Variants in SYNE4 observed in about 807,000 individuals in gnomAD.
The protein encoded by SYNE4 is spectrin repeat containing nuclear envelope family member 4.
Under a neutral mutation model 46.9 loss-of-function variants are expected in SYNE4, and 41 were observed. That is an observed-to-expected ratio of 0.87 (90% CI 0.68 to 1.13). The LOEUF (loss-of-function observed/expected upper bound fraction) is 1.13. Among genes scored for constraint, SYNE4 ranks in the 50% most tolerant of loss-of-function variants. SYNE4 has a pLI of 0.00. For missense variants in SYNE4, 492 were observed against 514.8 expected (o/e 0.96, Z 0.43); for synonymous variants, 221 against 219.5 (o/e 1.01, Z -0.06).
intron 5 of SYNE4, 142 bp downstream of exon 5, chr19:36,006,281 A>G: frequency 8.8e-7 from 1 of 1,141,080 alleles, no homozygotes; most frequent in Non-Finnish European, 1.2e-6. Context: ...ACAGTGAGAT[A>G]GAAGGAGACA....
At chr19:36,008,174 G>A (rs777952813) in intron 2 of SYNE4, 43 bp downstream of exon 2, 10 of 1,573,576 alleles carry the variant, frequency 6.4e-6, no homozygotes, top group Non-Finnish European at 5.2e-6. Context: ...GGGACAGAGA[G>A]GAGGTGGGGC....
chr19:36,005,410 C>T lies in SYNE4; in HGVS notation c.895G>A (p.Asp299Asn). Residue 299 changes from aspartate to asparagine, a missense_variant, in exon 6 of 8, where the codon GAC becomes AAC. Transcript: ENST00000324444. ...TGGCCGAGGCCAGACTCCAGCATGT[C>T]CTGTCGGGAGTGAGAGGTGTCTGCT... ...EEADTSHSRQ[D>N]MLESGLGHQK... The T allele has an allele frequency of 6.2e-7, 1 of 1,613,938 alleles. No individual in the cohort carries two copies. The highest frequency in any genetic ancestry group is 8.5e-7 in the Non-Finnish European group (1 of 1,179,950).
chr19:36,007,092 G>A (rs1173563144), intron 3 of SYNE4, 33 bp downstream of exon 3: 1 of 1,585,210 alleles, frequency 6.3e-7, no homozygotes, highest in Non-Finnish European at 8.6e-7. Flanking sequence ...CTGGGGCCGT[G>A]CCCACCCCCA....
chr19:36,007,272 G>A lies in SYNE4; in HGVS notation c.280-4C>T. The A allele has an allele frequency of 6.3e-7, 1 of 1,595,186 alleles. No homozygotes were observed. Among genetic ancestry groups the A allele is most frequent in the South Asian group, 1.1e-5 (1 of 87,918 alleles). On this transcript the variant is annotated splice_polypyrimidine_tract_variant and splice_region_variant and intron_variant, in intron 2 of 7. Transcript: ENST00000324444. Reference sequence around the variant, plus strand: ...CCTCCAGGCCAGAAATGGGGTGCTGGGGAACACAGGAGCCAGGTCAGGGCC... The same window carrying A: ...CCTCCAGGCCAGAAATGGGGTGCTGAGGAACACAGGAGCCAGGTCAGGGCC...
intron 2 of SYNE4, chr19:36,007,524 G>A: frequency 1.0e-6 from 1 of 985,340 alleles, no homozygotes; most frequent in African/African-American, 1.7e-5. Flanking sequence ...GGGGGGTCTG[G>A]ACAGGGAGCG....
chr19:36,005,793 C>T lies in SYNE4; in HGVS notation c.868-356G>A, dbSNP rs995931594. On this transcript the variant is annotated intron_variant, in intron 5 of 7. Transcript: ENST00000324444. ...CAGCACTTTGGGAGGCCAAGGCAGG[C>T]GGATCACCTGAGGTCAGGCGTTCGA... 1.2e-4 allele frequency: 22 copies of T among 187,464 alleles called. 1 individual carries two copies. Among genetic ancestry groups the T allele is most frequent in the Admixed American group, 8.2e-4 (15 of 18,258 alleles). 11.6% of individuals were successfully genotyped at this position (187,464 alleles called of 1,614,324 possible).
Position 36,003,390 on chromosome 19 carries a change from G to T in SYNE4, c.1162C>A (p.Pro388Thr), listed in dbSNP as rs1325219240. ...GGPCCSHARI[P>T]RTPYLVLSYV... ...CTGAGCACCAGGTAGGGTGTCCTGG[G>T]TATTCGGGCATGAGAGCAGCAGGGG... Residue 388 changes from proline to threonine, a missense_variant, in exon 8 of 8, where the codon CCC (proline) becomes ACC (threonine). Pro to Thr is a conservative substitution (Grantham distance 38, BLOSUM62 -1). Transcript: ENST00000324444. 2.5e-6 allele frequency: 4 copies of T among 1,614,004 alleles called. No individual in the cohort carries two copies. The highest frequency in any genetic ancestry group is 1.3e-5 in the African/African-American group (1 of 74,926).
In SYNE4 at chr19:36,003,344, G is replaced by A. The variant is rs146649226; in HGVS notation, c.1208C>T (p.Pro403Leu). 1 of 1,614,078 alleles carries A rather than the reference G, an allele frequency of 6.2e-7. No homozygotes were observed. The highest frequency in any genetic ancestry group is 2.2e-5 in the East Asian group (1 of 44,892). The change falls in exon 8 of 8, where the codon CCA (proline) becomes CTA (leucine). Residue 403 changes from proline to leucine, a missense_variant. Coordinates refer to ENST00000324444, the MANE Select transcript of SYNE4 (RefSeq NM_001039876.3). Reference protein sequence around the residue: ...LVLSYVNGLPPV With the variant: ...LVLSYVNGLPLV ...GACCATTTATTACACACATCAGACT[G>A]GGGGAAGACCATTGACATAGCTGAG...
Position 36,006,919 on chromosome 19 carries a change from G to C in SYNE4, c.449C>G (p.Ala150Gly). 3 of 1,551,170 alleles carry C rather than the reference G, an allele frequency of 1.9e-6. No homozygotes were observed. Among genetic ancestry groups the C allele is most frequent in the Non-Finnish European group, 2.6e-6 (3 of 1,147,496 alleles). The change falls in exon 4 of 8, where the codon GCA becomes GGA. Residue 150 changes from alanine (A) to glycine (G), a missense_variant. Physicochemically the swap from Ala to Gly is moderately conservative, Grantham distance 60 (BLOSUM62 0). Transcript: ENST00000324444. ...TAGCAGCGCCTCCACACGCTCAGCTGCCCCTCGTAGGTCCACCTGGAGGGC... is the reference window on the plus strand; with the variant it reads ...TAGCAGCGCCTCCACACGCTCAGCTCCCCCTCGTAGGTCCACCTGGAGGGC... ...LQALQVDLRG[A>G]AERVEALLAF...
At chr19:36,005,045 T>A (rs1315778090) in intron 6 of SYNE4, among the ~76,000 whole-genome samples, 3 of 151,716 alleles carry the variant, frequency 2.0e-5, no homozygotes, top group African/African-American at 7.3e-5. Flanking sequence ...TTTTTGTAGT[T>A]TTAGTAGAGA....
In SYNE4 at chr19:36,007,125, C is replaced by G; in HGVS notation, c.423G>C (p.Gln141His). ...ALAQSGMVQL[Q>H]ALQVDLRGAA... ...CCACATCCTGGCCTCTCCTGCCTAC[C>G]TGCAGCTGCACCATCCCACTCTGGG... The change falls in exon 3 of 8, where the codon CAG becomes CAC. Residue 141 changes from glutamine (Q) to histidine (H), a missense_variant and splice_region_variant. Transcript: ENST00000324444. The G allele has an allele frequency of 6.3e-7, 1 of 1,598,564 alleles. No individual in the cohort carries two copies. Among genetic ancestry groups the G allele is most frequent in the Non-Finnish European group, 8.5e-7 (1 of 1,173,134 alleles).
In SYNE4 at chr19:36,008,333, A is replaced by G. The variant is rs1228284348; in HGVS notation, c.163T>C (p.Leu55=). The part of the protein sequence containing the change: ...EQAQTLGQDS[L]GPPEHFQGGP... ...CCCTGGAAGTGCTCAGGAGGGCCCAAGGAGTCCTGTCCCAGGGTCTGGGCC... is the reference window on the plus strand; with the variant it reads ...CCCTGGAAGTGCTCAGGAGGGCCCAGGGAGTCCTGTCCCAGGGTCTGGGCC... Residue 55 remains leucine (L), a synonymous_variant, in exon 2 of 8, where the codon TTG becomes CTG. Transcript: ENST00000324444. 1.9e-6 allele frequency: 3 copies of G among 1,568,782 alleles called. No homozygotes were observed. Among genetic ancestry groups the G allele is most frequent in the South Asian group, 1.2e-5 (1 of 84,052 alleles).
intron 6 of SYNE4, among the ~76,000 whole-genome samples, chr19:36,004,357 C>T (rs1241537616): frequency 2.6e-5 from 4 of 152,172 alleles, no homozygotes; most frequent in Non-Finnish European, 4.4e-5. Flanking sequence ...TACCCTACTA[C>T]GATAGACCTA....
chr19:36,004,015 C>T (rs531172533), intron 6 of SYNE4, among the ~76,000 whole-genome samples: 3 of 152,020 alleles, frequency 2.0e-5, no homozygotes, highest in Non-Finnish European at 4.4e-5. Flanking sequence ...CACACCTGGC[C>T]GACACATTAT....
chr19:36,005,568 G>C (rs546414621), intron 5 of SYNE4, 131 bp from the exon 6 acceptor site: 6 of 727,386 alleles, frequency 8.2e-6, no homozygotes, highest in East Asian at 5.4e-5. Context: ...AACCAAGAGA[G>C]GAGAGAATTA....
At chr19:36,005,561 C>G (rs914619166) in intron 5 of SYNE4, 124 bp from the exon 6 acceptor site, 3 of 764,714 alleles carry the variant, frequency 3.9e-6, no homozygotes, top group African/African-American at 3.5e-5. Context: ...CCAAAGAAAC[C>G]AAGAGAGGAG....
At chr19:36,007,664 C>T in intron 2 of SYNE4, 36 of 933,614 alleles carry the variant, frequency 3.9e-5, no homozygotes, top group Non-Finnish European at 4.5e-5. Context: ...ATCACTTGAG[C>T]CCAGGAGTTC....
rs749330315 is a variant in SYNE4 at position 36,006,738 on chromosome 19, G to C, written c.618+12C>G. 8.8e-6 allele frequency: 14 copies of C among 1,599,894 alleles called. No individual in the cohort carries two copies. In the African/African-American group the frequency reaches 1.7e-4, roughly 20 times the overall value. On this transcript the variant is annotated intron_variant, in intron 4 of 7. Transcript: ENST00000324444. ...GCCTGGGTTGGGTGGGGGGTATCAAGATGGGCCCTACCAGGCTGTAGCTGA... is the reference window on the plus strand; with the variant it reads ...GCCTGGGTTGGGTGGGGGGTATCAACATGGGCCCTACCAGGCTGTAGCTGA...
Position 36,008,277 on chromosome 19 carries a change from G to C in SYNE4, c.219C>G (p.His73Gln). ...AAGAGGGTGTTGACCATCTCGGGGG[G>C]TGAGCGGCAGGCTCATTGCCCCTTG... Reference protein sequence around the residue: ...GGPRGNEPAAHPPRWSTPSSY... With the variant: ...GGPRGNEPAAQPPRWSTPSSY... Residue 73 changes from histidine to glutamine, a missense_variant, in exon 2 of 8, where the codon CAC (histidine) becomes CAG (glutamine). By Grantham distance (24) the His-to-Gln change is conservative. Coordinates refer to ENST00000324444, the MANE Select transcript of SYNE4 (RefSeq NM_001039876.3). 6.2e-7 allele frequency: 1 copy of C among 1,602,548 alleles called. No homozygotes were observed. Among genetic ancestry groups the C allele is most frequent in the Non-Finnish European group, 8.5e-7 (1 of 1,174,018 alleles).
Sources: gnomAD v4.1 joint callset for allele counts (sites outside exome capture counted in the v4.1 genomes callset) on GRCh38, gnomAD v4.1.1 for gene constraint, MANE v1.5 for transcripts, NCBI Gene and HGNC (gene_info 2026-07-23, HGNC 2026-07-21) for gene names.